HCN1: variants seen among roughly 807,000 people sequenced by gnomAD.
HCN1 encodes potassium/sodium hyperpolarization-activated cyclic nucleotide-gated channel 1.
HCN1 carries 13 observed loss-of-function variants against 78.9 expected under a neutral mutation model. That is an observed-to-expected ratio of 0.16 (90% CI 0.11 to 0.26). HCN1 has a LOEUF of 0.26. Among genes scored for constraint, HCN1 ranks in the 10% least tolerant of loss-of-function variants. The pLI, the probability that HCN1 is intolerant of heterozygous loss-of-function variation, is 1.00. For synonymous variants in HCN1, 552 were observed against 455.5 expected, an observed-to-expected ratio of 1.21 and a Z score of -2.70; for missense variants, 810 against 1,154.3, an observed-to-expected ratio of 0.70 and a Z score of 4.32.
Position 45,304,048 on chromosome 5 carries a change from A to G in HCN1, c.1378-209T>C, listed in dbSNP as rs564456961. 3.0e-3 allele frequency among the ~76,000 whole-genome samples: 453 copies of G among 152,268 alleles called. 1 individual carries two copies. Among genetic ancestry groups the G allele is most frequent in the African/African-American group, 0.01 (432 of 41,568 alleles). On this transcript the variant is annotated intron_variant, in intron 5 of 7. Coordinates refer to ENST00000303230, the MANE Select transcript of HCN1 (RefSeq NM_021072.4). Reference sequence around the variant, plus strand: ...TTTTTGTATTCCCAGCACCTAGTGTAGTATAGGAATGTATTAAATATTCGA... The same window carrying G: ...TTTTTGTATTCCCAGCACCTAGTGTGGTATAGGAATGTATTAAATATTCGA...
chr5:45,579,101 A>T (rs1223443916), intron 2 of HCN1, among the ~76,000 whole-genome samples: 1 of 152,122 alleles, frequency 6.6e-6, no homozygotes, highest in Non-Finnish European at 1.5e-5. Flanking sequence ...TATAAAATCA[A>T]GTATAATAAT....
chr5:45,500,895 T>C (rs1356586405), intron 2 of HCN1, among the ~76,000 whole-genome samples: 1 of 152,204 alleles, frequency 6.6e-6, no homozygotes, highest in East Asian at 1.9e-4. Context: ...TACTAAAATT[T>C]CTAGTGACAT....
chr5:45,496,708 G>A (rs986145685), intron 2 of HCN1, among the ~76,000 whole-genome samples: 1 of 152,082 alleles, frequency 6.6e-6, no homozygotes, highest in Admixed American at 6.6e-5. Flanking sequence ...ATTTCCTTCA[G>A]TTCTGCTCTG....
rs2112040746 is a variant in HCN1 at position 45,396,593 on chromosome 5, G to A, written c.1129C>T (p.Leu377=). The change falls in exon 4 of 8, where the codon CTG becomes TTG. Residue 377 remains leucine (L), a synonymous_variant. Coordinates refer to ENST00000303230, the MANE Select transcript of HCN1 (RefSeq NM_021072.4). ...VSMSDLWITM[L]SMIVGATCYA... is the part of the protein sequence containing the mutation. The stretch of plus-strand genomic sequence containing the variant: ...CAGGTGGCCCCGACGATCATGCTCA[G>A]CATGGTAATCCAGAGGTCAGACATG... The A allele has an allele frequency of 1.1e-5, 17 of 1,613,912 alleles. No individual in the cohort carries two copies. The highest frequency in any genetic ancestry group is 1.4e-5 in the Non-Finnish European group (17 of 1,179,906).
intron 6 of HCN1, among the ~76,000 whole-genome samples, chr5:45,271,532 T>C (rs1166980460): frequency 6.6e-6 from 1 of 152,140 alleles, no homozygotes; most frequent in African/African-American, 2.4e-5. Context: ...TTATATTCTG[T>C]GGAGTTTATT....
chr5:45,292,912 G>A (rs1202993326), intron 6 of HCN1, among the ~76,000 whole-genome samples: 2 of 151,906 alleles, frequency 1.3e-5, no homozygotes, highest in Admixed American at 6.6e-5. Flanking sequence ...AAATCATAGT[G>A]TTTAAACTCA....
chr5:45,653,270 T>C (rs1365565994), intron 1 of HCN1, among the ~76,000 whole-genome samples: 1 of 152,060 alleles, frequency 6.6e-6, no homozygotes, highest in Non-Finnish European at 1.5e-5. Context: ...GAACTCCCTT[T>C]CACCTGATCT....
In HCN1 at chr5:45,270,231, C is replaced by T. The variant is rs113941067; in HGVS notation, c.1619-2978G>A. Among the ~76,000 whole-genome samples the T allele has an allele frequency of 9.4e-3, 1,434 of 152,244 alleles. 21 individuals are homozygous for T. Among genetic ancestry groups the T allele is most frequent in the African/African-American group, 0.033 (1,382 of 41,538 alleles). On this transcript the variant is annotated intron_variant, in intron 6 of 7. Coordinates refer to ENST00000303230, the MANE Select transcript of HCN1 (RefSeq NM_021072.4). The stretch of plus-strand genomic sequence containing the variant: ...AAAGACTTTCTTCCTATATTTCTTT[C>T]TTTTTATTGTGAAGGCAAAAGTTGT...
chr5:45,664,353 T>C (rs1170866373), intron 1 of HCN1, among the ~76,000 whole-genome samples: 1 of 143,452 alleles, frequency 7.0e-6, no homozygotes, highest in Non-Finnish European at 1.5e-5. Context: ...ATATACCTAA[T>C]GCTAGATGAC....
At chr5:45,470,766 A>G (rs1741374744) in intron 2 of HCN1, among the ~76,000 whole-genome samples, 1 of 151,960 alleles carries the variant, frequency 6.6e-6, no homozygotes, top group Non-Finnish European at 1.5e-5. Context: ...AGAAAGTAAT[A>G]TTAGGCACTG....
chr5:45,353,321 T>C lies in HCN1; in HGVS notation c.1231-75A>G. ...CAGAAATCATATTATTTTGTTTTGC[T>C]ATATTCAATAATATTTGAATACTCA... On this transcript the variant is annotated intron_variant, in intron 4 of 7. Transcript: ENST00000303230. The C allele has an allele frequency of 1.8e-6, 2 of 1,133,792 alleles. 1 individual carries two copies. Among genetic ancestry groups the C allele is most frequent in the South Asian group, 2.6e-5 (2 of 76,316 alleles). 70.2% of individuals were successfully genotyped at this position (1,133,792 alleles called of 1,614,324 possible).
rs1192539722 is a variant in HCN1, at chr5:45,514,791, T to A, written c.850-52784A>T. 2.6e-5 allele frequency among the ~76,000 whole-genome samples: 4 copies of A among 152,180 alleles called. No homozygotes were observed. In the East Asian group the frequency reaches 7.8e-4, roughly 29 times the overall value. Reference sequence around the variant, plus strand: ...ATTAATTTGAAACCTGTTTAGGGTATTTAGTCTACGAAACTCATGACAAAA... The same window carrying A: ...ATTAATTTGAAACCTGTTTAGGGTAATTAGTCTACGAAACTCATGACAAAA... On this transcript the variant is annotated intron_variant, in intron 2 of 7. Transcript: ENST00000303230.
chr5:45,347,345 T>C (rs1746764918), intron 5 of HCN1, among the ~76,000 whole-genome samples: 1 of 152,114 alleles, frequency 6.6e-6, no homozygotes, highest in East Asian at 1.9e-4. Context: ...ACAAAGGACA[T>C]CCACACCAAA....
At chr5:45,556,631 C>T (rs1743475299) in intron 2 of HCN1, among the ~76,000 whole-genome samples, 1 of 151,846 alleles carries the variant, frequency 6.6e-6, no homozygotes, top group Admixed American at 6.6e-5. Flanking sequence ...TCAGAAGATG[C>T]AAAGATGAAT....
chr5:45,275,867 G>A (rs1745047263), intron 6 of HCN1, among the ~76,000 whole-genome samples: 1 of 152,052 alleles, frequency 6.6e-6, no homozygotes, highest in Non-Finnish European at 1.5e-5. Context: ...AAATTCACCA[G>A]ACCATTCCAA....
chr5:45,575,157 C>A (rs969844895), intron 2 of HCN1: 1 of 152,052 alleles, frequency 6.6e-6, no homozygotes, highest in Non-Finnish European at 1.5e-5. Flanking sequence ...GAGGAAAATG[C>A]CATCTAGGAA....
chr5:45,671,579 G>A (rs141350971), intron 1 of HCN1, among the ~76,000 whole-genome samples: 2 of 151,328 alleles, frequency 1.3e-5, no homozygotes, highest in African/African-American at 2.4e-5. Context: ...AGTAAATTTT[G>A]ATAAGTGAGG....
intron 2 of HCN1, among the ~76,000 whole-genome samples, chr5:45,598,891 G>A (rs959267137): frequency 3.3e-5 from 5 of 152,084 alleles, no homozygotes; most frequent in Admixed American, 6.6e-5. Context: ...TTAGAATGGC[G>A]ATCATTAAAA....
chr5:45,304,341 T>C (rs1312956569), intron 5 of HCN1, among the ~76,000 whole-genome samples: 5 of 151,404 alleles, frequency 3.3e-5, no homozygotes, highest in African/African-American at 1.2e-4. Flanking sequence ...GTGAGGACAA[T>C]GGATAGTACA....
Sources: allele counts gnomAD v4.1 joint callset (sites outside exome capture counted in the v4.1 genomes callset), GRCh38; gene constraint gnomAD v4.1.1; transcripts MANE v1.5; gene names NCBI Gene and HGNC (gene_info 2026-07-23, HGNC 2026-07-21).